Variants in THSD7B observed in about 807,000 individuals in gnomAD.
The protein encoded by THSD7B is thrombospondin type-1 domain-containing protein 7B.
In THSD7B, 138 loss-of-function variants were observed where a neutral mutation model predicts 213.6. The ratio of observed to expected loss-of-function variants is 0.65; its 90% CI spans 0.56 to 0.74. The LOEUF is 0.74. Ranked by LOEUF, THSD7B falls within the 30% of genes least tolerant of loss-of-function variation. The probability of loss-of-function intolerance (pLI) is 0.00; values close to 1 mark genes in which losing one functional copy is unlikely to be tolerated. For synonymous variants in THSD7B, 742 were observed against 687.0 expected (o/e 1.08, Z -1.25); for missense variants, 1,931 against 1,991.5 (o/e 0.97, Z 0.58).
chr2:137,430,312 T>C (rs560840266), intron 14 of THSD7B, among the ~76,000 whole-genome samples: 1 of 152,316 alleles, frequency 6.6e-6, no homozygotes, highest in African/African-American at 2.4e-5. Context: ...AGCATAACCT[T>C]ATGCTTACAG....
At chr2:136,973,812 G>C (rs1259248311) in intron 2 of THSD7B, among the ~76,000 whole-genome samples, 1 of 152,186 alleles carries the variant, frequency 6.6e-6, no homozygotes, top group Non-Finnish European at 1.5e-5. Context: ...GTTTCGGAGA[G>C]TATAAGTCAG....
intron 10 of THSD7B, among the ~76,000 whole-genome samples, chr2:137,253,068 G>A (rs1558974256): frequency 6.6e-6 from 1 of 152,060 alleles, no homozygotes. Flanking sequence ...GGGAGAATGA[G>A]GTACTCACTC....
intron 21 of THSD7B, among the ~76,000 whole-genome samples, chr2:137,653,106 T>TAAGAG (rs77843648): frequency 0.12 from 18,353 of 152,118 alleles, 1,149 homozygotes; most frequent in Middle Eastern, 0.17. Flanking sequence ...GCATTTCTCA[T>TAAGAG]AAGTCTGGTG....
chr2:136,776,229 A>G (rs1305762272), intron 1 of THSD7B, among the ~76,000 whole-genome samples: 3 of 152,132 alleles, frequency 2.0e-5, no homozygotes, highest in East Asian at 3.8e-4. Context: ...TTCTGTCACA[A>G]TTTTCCCAGC....
rs1210187461 is a variant in THSD7B, at chr2:136,878,470, C to A, written c.-35-3674C>A. Among the ~76,000 whole-genome samples the A allele has an allele frequency of 2.6e-5, 4 of 152,110 alleles. No homozygotes were observed. The East Asian group carries it at 7.7e-4, about 29-fold the overall frequency. On this transcript the variant is annotated intron_variant, in intron 1 of 27. Transcript: ENST00000409968. ...GCTGGGTCAAATGGTATTTCTAGTT[C>A]TAGATCCTTGAGGAATTGCCACACT...
At chr2:137,383,046 C>T (rs532068547) in intron 12 of THSD7B, among the ~76,000 whole-genome samples, 62 of 152,280 alleles carry the variant, frequency 4.1e-4, no homozygotes, top group African/African-American at 1.5e-3. Context: ...GTAATCTGTA[C>T]CAATAGCTGG....
intron 11 of THSD7B, 48 bp downstream of exon 11, chr2:137,272,710 A>G (rs753874640): frequency 1.3e-6 from 2 of 1,580,360 alleles, no homozygotes; most frequent in African/African-American, 2.7e-5. Context: ...TGTAAATTAT[A>G]ACCTATTTTC....
chr2:137,661,701 G>T (rs2104822002), intron 25 of THSD7B, among the ~76,000 whole-genome samples: 1 of 152,120 alleles, frequency 6.6e-6, no homozygotes, highest in East Asian at 1.9e-4. Flanking sequence ...CTTGGAAGAA[G>T]GCCAAGTGCC....
intron 12 of THSD7B, among the ~76,000 whole-genome samples, chr2:137,279,546 C>A (rs995144015): frequency 1.3e-5 from 2 of 151,794 alleles, no homozygotes; most frequent in Non-Finnish European, 2.9e-5. Context: ...CTGGCTCAAA[C>A]AATAATAATA....
chr2:137,305,250 G>A (rs989416508), intron 12 of THSD7B, among the ~76,000 whole-genome samples: 2 of 152,036 alleles, frequency 1.3e-5, no homozygotes, highest in African/African-American at 2.4e-5. Flanking sequence ...TGTACCAGTC[G>A]GGATCAAAAG....
At chr2:137,217,218 T>C (rs975079724) in intron 7 of THSD7B, among the ~76,000 whole-genome samples, 9 of 152,250 alleles carry the variant, frequency 5.9e-5, no homozygotes, top group Non-Finnish European at 1.5e-5. Context: ...TTTGCATAAA[T>C]GCCTTTTCAT....
At position 137,273,025 on chromosome 2, in the gene THSD7B, T is replaced by TACAC. The variant is rs71877881; in HGVS notation, c.2396+405_2396+408dup. Among the ~76,000 whole-genome samples the TACAC allele has an allele frequency of 3.8e-3, 543 of 141,058 alleles. 1 individual carries two copies. Among genetic ancestry groups the TACAC allele is most frequent in the African/African-American group, 8.9e-3 (340 of 38,190 alleles). 92.5% of individuals were successfully genotyped at this position (141,058 alleles called of 152,430 possible). On this transcript the variant is annotated intron_variant, in intron 11 of 27. Coordinates refer to ENST00000409968, the MANE Select transcript of THSD7B (RefSeq NM_001316349.2). ...CACACCACACACACGGGAGAAGGAA[T>TACAC]ACACACACACACACACACACACACA...
intron 7 of THSD7B, among the ~76,000 whole-genome samples, chr2:137,224,375 T>C (rs1033986544): frequency 1.3e-5 from 2 of 152,196 alleles, no homozygotes; most frequent in South Asian, 2.1e-4. Flanking sequence ...GACTAGGTTG[T>C]CCATGTCCAA....
intron 5 of THSD7B, among the ~76,000 whole-genome samples, chr2:137,151,909 G>A (rs2104975514): frequency 6.6e-6 from 1 of 152,180 alleles, no homozygotes; most frequent in East Asian, 1.9e-4. Context: ...TCCTTGAGGT[G>A]AAGTGTCATT....
At chr2:137,000,100 G>C (rs1685973868) in intron 2 of THSD7B, among the ~76,000 whole-genome samples, 1 of 152,094 alleles carries the variant, frequency 6.6e-6, no homozygotes, top group African/African-American at 2.4e-5. Context: ...TGGGGAGGAG[G>C]GTTCATCCTT....
chr2:136,894,125 C>G (rs1317868769), intron 2 of THSD7B, among the ~76,000 whole-genome samples: 1 of 152,150 alleles, frequency 6.6e-6, no homozygotes, highest in Non-Finnish European at 1.5e-5. Flanking sequence ...GAATACACTT[C>G]ACTACAAAAA....
At chr2:137,529,424 A>T (rs1680340045) in intron 15 of THSD7B, among the ~76,000 whole-genome samples, 2 of 152,026 alleles carry the variant, frequency 1.3e-5, no homozygotes, top group African/African-American at 4.8e-5. Context: ...TAAGGGACTA[A>T]TGATTGTCCC....
intron 2 of THSD7B, among the ~76,000 whole-genome samples, chr2:137,007,369 A>G (rs1686136130): frequency 6.6e-6 from 1 of 152,228 alleles, no homozygotes; most frequent in Admixed American, 6.5e-5. Flanking sequence ...ACCATGAAGC[A>G]TTTTAGCAAT....
At chr2:137,083,022 A>G (rs755254375) in intron 3 of THSD7B, among the ~76,000 whole-genome samples, 66 of 152,100 alleles carry the variant, frequency 4.3e-4, no homozygotes, top group Non-Finnish European at 7.7e-4. Flanking sequence ...CATATTTAAA[A>G]CATAATTTCA....
Sources: allele counts gnomAD v4.1 joint callset (sites outside exome capture counted in the v4.1 genomes callset), GRCh38; gene constraint gnomAD v4.1.1; transcripts MANE v1.5; gene names NCBI Gene and HGNC (gene_info 2026-07-23, HGNC 2026-07-21).